The following LARP1B variants were observed in gnomAD, a reference collection of about 807,000 sequenced individuals.
LARP1B encodes La ribonucleoprotein 1B.
LARP1B carries 76 observed loss-of-function variants against 114.2 expected under a neutral mutation model. That is an observed-to-expected ratio of 0.67 (90% CI 0.55 to 0.81). LARP1B has a LOEUF of 0.81. Among genes scored for constraint, LARP1B ranks in the 30% least tolerant of loss-of-function variants. The pLI is 0.00. For missense variants in LARP1B, 1,014 were observed against 1,075.8 expected (o/e 0.94, Z 0.80); for synonymous variants, 345 against 348.0 (o/e 0.99, Z 0.10).
intron 15 of LARP1B, among the ~76,000 whole-genome samples, chr4:128,189,324 C>CTTTTTTTTTTTTTTTT (rs70966089): frequency 1.5e-4 from 1 of 6,822 alleles, no homozygotes; most frequent in Non-Finnish European, 3.2e-4. Flanking sequence ...AGTATGGCTA[C>CTTTTTTTTTTTTTTTT]TTTTTTTTTT....
At chr4:128,157,044 A>G (rs1408776993) in intron 11 of LARP1B, among the ~76,000 whole-genome samples, 1 of 152,056 alleles carries the variant, frequency 6.6e-6, no homozygotes, top group East Asian at 1.9e-4. Context: ...ATATGATATG[A>G]TAGAAAAAAA....
intron 11 of LARP1B, among the ~76,000 whole-genome samples, chr4:128,151,043 C>A (rs1732561952): frequency 1.3e-5 from 2 of 152,162 alleles, no homozygotes; most frequent in South Asian, 4.1e-4. Flanking sequence ...TCCAAGTCTT[C>A]ATTTTGAAAT....
chr4:128,121,856 A>C lies in LARP1B; in HGVS notation c.1192A>C (p.Asn398His). Residue 398 changes from asparagine (N) to histidine (H), a missense_variant, in exon 11 of 20, where the codon AAT (asparagine) becomes CAT (histidine). By Grantham distance (68) the Asn-to-His change is moderately conservative. Coordinates refer to ENST00000326639, the MANE Select transcript of LARP1B (RefSeq NM_018078.4). ...AGTGTCTGTCCCTGAAGGGTCATTA[A>C]ATCAGCTATGTTCTTCAGAAGAACC... ...ESVSVPEGSL[N>H]QLCSSEEPEQ... is the part of the protein sequence containing the mutation. The C allele has an allele frequency of 6.2e-7, 1 of 1,601,648 alleles. No individual in the cohort carries two copies. Among genetic ancestry groups the C allele is most frequent in the Non-Finnish European group, 8.5e-7 (1 of 1,174,410 alleles).
chr4:128,132,940 GATC>G (rs1174564278), intron 11 of LARP1B, among the ~76,000 whole-genome samples: 1 of 151,678 alleles, frequency 6.6e-6, no homozygotes, highest in East Asian at 1.9e-4. Context: ...GACAATGACA[GATC>G]ATCAAGCATT....
At chr4:128,152,609 C>T (rs1733378744) in intron 11 of LARP1B, among the ~76,000 whole-genome samples, 1 of 146,990 alleles carries the variant, frequency 6.8e-6, no homozygotes, top group African/African-American at 2.5e-5. Context: ...ATTTGTTATT[C>T]CCTATATGTC....
At chr4:128,181,279 G>A (rs1201053825) in intron 15 of LARP1B, among the ~76,000 whole-genome samples, 2 of 151,038 alleles carry the variant, frequency 1.3e-5, no homozygotes, top group Non-Finnish European at 2.9e-5. Context: ...CGGCTCCCAG[G>A]TTCAGGTGAG....
chr4:128,076,390 T>C (rs1410977861), intron 3 of LARP1B, among the ~76,000 whole-genome samples: 1 of 152,196 alleles, frequency 6.6e-6, no homozygotes, highest in African/African-American at 2.4e-5. Context: ...ATTGAGTAGG[T>C]ACTCTTTTTT....
chr4:128,140,201 G>C (rs1001503), intron 11 of LARP1B, among the ~76,000 whole-genome samples: 86,598 of 152,026 alleles, frequency 0.57, 25,867 homozygotes, highest in Middle Eastern at 0.8. Context: ...GCACTACCCT[G>C]GAGGAATTTA....
chr4:128,065,293 CTT>C lies in LARP1B; in HGVS notation c.-78+3894_-78+3895del, dbSNP rs1561011007. ...TCTTTCTTTCTTTCTTTCTTTCTTT[CTT>C]TCTTTCTTTCTTTCTTTCTTTCTCT... On this transcript the variant is annotated intron_variant, in intron 1 of 19. Transcript: ENST00000326639. Among the ~76,000 whole-genome samples, 203 of 136,216 alleles carry C rather than the reference CTT, an allele frequency of 1.5e-3. 2 individuals carry two copies. The highest frequency in any genetic ancestry group is 2.5e-3 in the Admixed American group (32 of 12,682). The allele number at this position is 136,216 out of a possible 152,430, so 89.4% of individuals were successfully genotyped here.
intron 11 of LARP1B, among the ~76,000 whole-genome samples, chr4:128,137,808 G>A (rs1726129195): frequency 6.7e-6 from 1 of 148,570 alleles, no homozygotes; most frequent in African/African-American, 2.5e-5. Flanking sequence ...TTTTAGGGGG[G>A]TTGGTGACAG....
chr4:128,155,806 C>G lies in LARP1B; in HGVS notation c.1525-6388C>G, dbSNP rs1735318593. The G allele has an allele frequency of 3.1e-6, 5 of 1,589,152 alleles. No homozygotes were observed. In the South Asian group the frequency reaches 5.5e-5, roughly 18 times the overall value. ...CTTCCTGCAGGCGGAGACTGATAAA[C>G]TGGAAGATGAGAAATCAGGGCTGCA... On this transcript the variant is annotated intron_variant, in intron 11 of 19. Transcript: ENST00000326639.
intron 9 of LARP1B, chr4:128,108,901 A>T: frequency 1.1e-6 from 1 of 919,164 alleles, no homozygotes; most frequent in African/African-American, 1.8e-5. Flanking sequence ...GAATAAAATC[A>T]TAATGTTGTA....
chr4:128,199,648 A>T (rs1320880333), intron 16 of LARP1B, 49 bp downstream of exon 16: 1 of 947,842 alleles, frequency 1.1e-6, no homozygotes, highest in Non-Finnish European at 1.4e-6. Flanking sequence ...ATTAAAATAT[A>T]ATTCTAAAAA....
intron 1 of LARP1B, among the ~76,000 whole-genome samples, chr4:128,065,253 A>ATTTCTTTCTTTCTTTCTTTCTTTC (rs199707342): frequency 5.6e-5 from 5 of 89,544 alleles, no homozygotes; most frequent in East Asian, 3.4e-4. Context: ...CCCACAATTA[A>ATTTCTTTCTTTCTTTCTTTCTTTC]TTTCTTTCTT....
Position 128,181,963 on chromosome 4 carries a change from G to A in LARP1B, c.2003+2451G>A, listed in dbSNP as rs191447370. On this transcript the variant is annotated intron_variant, in intron 15 of 19. Coordinates refer to ENST00000326639, the MANE Select transcript of LARP1B (RefSeq NM_018078.4). ...TGGGACTACAGGTGCCCGCCACCACGCCTGGCTAACTTTTTTTTTTGTATT... is the reference window on the plus strand; with the variant it reads ...TGGGACTACAGGTGCCCGCCACCACACCTGGCTAACTTTTTTTTTTGTATT... 4.2e-4 allele frequency among the ~76,000 whole-genome samples: 63 copies of A among 150,892 alleles called. No individual in the cohort carries two copies. The East Asian group carries it at 0.012, about 28-fold the overall frequency.
At chr4:128,089,215 T>G (rs781350912) in intron 5 of LARP1B, among the ~76,000 whole-genome samples, 98 of 152,280 alleles carry the variant, frequency 6.4e-4, no homozygotes, top group Middle Eastern at 3.4e-3. Context: ...CACCAGAGTC[T>G]AAAGTGCTAA....
rs1034169595 is a variant in LARP1B, at chr4:128,146,070, C to T, written c.1525-16124C>T. 1.9e-3 allele frequency among the ~76,000 whole-genome samples: 287 copies of T among 152,272 alleles called. 1 individual carries two copies. The highest frequency in any genetic ancestry group is 6.8e-3 in the African/African-American group (281 of 41,544). ...TTATGTATCCTAAGAAGCATCAGTT[C>T]CATTTCCACATGTACATATGTATAC... On this transcript the variant is annotated intron_variant, in intron 11 of 19. Coordinates refer to ENST00000326639, the MANE Select transcript of LARP1B (RefSeq NM_018078.4).
chr4:128,062,023 G>C (rs1332092926), intron 1 of LARP1B: 1 of 985,172 alleles, frequency 1.0e-6, no homozygotes, highest in East Asian at 1.1e-4. Flanking sequence ...CACCGCCGCC[G>C]CCGTCGCCGT....
At chr4:128,092,350 T>G (rs1268059771) in intron 7 of LARP1B, among the ~76,000 whole-genome samples, 1 of 152,210 alleles carries the variant, frequency 6.6e-6, no homozygotes, top group Non-Finnish European at 1.5e-5. Context: ...TTCAGATTTC[T>G]TACTCTAGTT....
Sources: gnomAD v4.1 joint callset for allele counts (sites outside exome capture counted in the v4.1 genomes callset) on GRCh38, gnomAD v4.1.1 for gene constraint, MANE v1.5 for transcripts, NCBI Gene and HGNC (gene_info 2026-07-23, HGNC 2026-07-21) for gene names.